The following UBE2J2 variants were observed in gnomAD, a reference collection of about 807,000 sequenced individuals.
UBE2J2 encodes ubiquitin conjugating enzyme E2 J2.
A neutral mutation model predicts 28.6 loss-of-function variants in UBE2J2; 5 were observed. That is an observed-to-expected ratio of 0.17 (90% CI 0.09 to 0.37). The LOEUF (loss-of-function observed/expected upper bound fraction) is 0.37, where lower values mean the gene tolerates loss of function less well. Among genes scored for constraint, UBE2J2 ranks in the 10% least tolerant of loss-of-function variants. UBE2J2 has a pLI of 1.00. For synonymous variants in UBE2J2, 138 were observed against 139.7 expected (o/e 0.99, Z 0.09); for missense variants, 226 against 338.9 (o/e 0.67, Z 2.62).
At chr1:1,259,294 G>A (rs1000341930) in intron 3 of UBE2J2, among the ~76,000 whole-genome samples, 11 of 151,578 alleles carry the variant, frequency 7.3e-5, no homozygotes, top group Non-Finnish European at 1.2e-4. Flanking sequence ...CCATCAGGAC[G>A]CGTGTGCACG....
rs752717386 is a variant in UBE2J2, at chr1:1,268,006, C to T, written c.1-14G>A. On this transcript the variant is annotated splice_polypyrimidine_tract_variant and intron_variant, in intron 1 of 6. Transcript: ENST00000349431. The surrounding 1 kb of genome is among the most constrained non-coding windows in gnomAD (Gnocchi z 4.7). ...GGTGCTGCTCATCTGTTAAAAGCAACGTCTACACTGACGACGAGAAGCAGC... is the reference window on the plus strand; with the variant it reads ...GGTGCTGCTCATCTGTTAAAAGCAATGTCTACACTGACGACGAGAAGCAGC... 29 of 1,612,306 alleles carry T rather than the reference C, an allele frequency of 1.8e-5. No individual in the cohort carries two copies. Among genetic ancestry groups the T allele is most frequent in the African/African-American group, 2.7e-5 (2 of 74,782 alleles).
rs549129586 is a variant in UBE2J2 at position 1,257,626 on chromosome 1, G to A, written c.173-316C>T. ...CAGCTACTGCACACCCCTCTCCCTG[G>A]AGTGTCCACACACACCCCCACCAGG... On this transcript the variant is annotated intron_variant, in intron 3 of 6. Transcript: ENST00000349431. Among the ~76,000 whole-genome samples, 28 of 150,726 alleles carry A rather than the reference G, an allele frequency of 1.9e-4. No homozygotes were observed. The East Asian group carries it at 5.5e-3, about 30-fold the overall frequency.
At chr1:1,257,901 C>A (rs184645225) in intron 3 of UBE2J2, among the ~76,000 whole-genome samples, 1 of 152,070 alleles carries the variant, frequency 6.6e-6, no homozygotes, top group Admixed American at 6.6e-5. Context: ...CCCCTGGATT[C>A]GGGCCTCATT....
rs575582274 is a variant in UBE2J2 at position 1,258,528 on chromosome 1, G to A, written c.173-1218C>T. ...TCAGTCCTGGCATCCTCCTGGGGTC[G>A]CCCTAGTTTCACGGCCTCCCATCAG... On this transcript the variant is annotated intron_variant, in intron 3 of 6. Coordinates refer to ENST00000349431, the MANE Select transcript of UBE2J2 (RefSeq NM_058167.3). 5.3e-5 allele frequency among the ~76,000 whole-genome samples: 8 copies of A among 151,758 alleles called. No individual in the cohort carries two copies. The South Asian group carries it at 1.3e-3, about 24-fold the overall frequency.
chr1:1,267,592 ACC>A (rs1639941144), intron 2 of UBE2J2: 1 of 752,604 alleles, frequency 1.3e-6, no homozygotes, highest in Admixed American at 3.6e-5. Flanking sequence ...GTCAACCTGG[ACC>A]CCGCCCCCCT....
At chr1:1,267,809 G>C (rs755438498) in intron 2 of UBE2J2, 53 bp downstream of exon 2, 16 of 1,599,294 alleles carry the variant, frequency 1.0e-5, no homozygotes, top group Non-Finnish European at 1.4e-5. Context: ...GCCGGCAGAG[G>C]CCTGCGTGGC....
intron 5 of UBE2J2, chr1:1,256,438 G>A: frequency 3.3e-6 from 1 of 307,262 alleles, no homozygotes. Context: ...AAGATCCCAA[G>A]GAGGAGCCCC....
At chr1:1,255,631 G>C in intron 6 of UBE2J2, 144 bp from the exon 7 acceptor site, 1 of 1,047,360 alleles carries the variant, frequency 9.5e-7, no homozygotes, top group Non-Finnish European at 1.4e-6. Flanking sequence ...CACAGGTGAG[G>C]GCCCGAGCGT....
intron 2 of UBE2J2, among the ~76,000 whole-genome samples, chr1:1,264,231 C>T (rs1639721131): frequency 6.6e-6 from 1 of 152,212 alleles, no homozygotes; most frequent in South Asian, 2.1e-4. Flanking sequence ...ACACAGAGCT[C>T]ACCCTCAGAC....
chr1:1,260,199 C>T (rs756159482), intron 3 of UBE2J2, among the ~76,000 whole-genome samples: 3 of 152,228 alleles, frequency 2.0e-5, no homozygotes, highest in Non-Finnish European at 2.9e-5. Flanking sequence ...CGGCCACATC[C>T]ACCAGGGAGA....
rs536961015 is a variant in UBE2J2, at chr1:1,272,799, A to G, written c.-1+867T>C. 8.2e-5 allele frequency: 13 copies of G among 159,194 alleles called. No homozygotes were observed. In the South Asian group the frequency reaches 1.8e-3, roughly 22 times the overall value. The allele number at this position is 159,194 out of a possible 1,614,324, so 9.9% of individuals were successfully genotyped here. On this transcript the variant is annotated intron_variant, in intron 1 of 6. Transcript: ENST00000349431. Reference sequence around the variant, plus strand: ...AGATGACGGACTGCAAGTTCCGGGCACCCAGACCCAACCACGCCCTAGGCT... The same window carrying G: ...AGATGACGGACTGCAAGTTCCGGGCGCCCAGACCCAACCACGCCCTAGGCT...
intron 3 of UBE2J2, among the ~76,000 whole-genome samples, chr1:1,261,042 G>C (rs758433215): frequency 2.0e-5 from 3 of 152,222 alleles, no homozygotes; most frequent in Non-Finnish European, 4.4e-5. Flanking sequence ...GGCAGGAAAA[G>C]GGGTCAGAAA....
chr1:1,265,158 G>A (rs1035863607), intron 2 of UBE2J2, among the ~76,000 whole-genome samples: 3 of 152,138 alleles, frequency 2.0e-5, no homozygotes, highest in Non-Finnish European at 4.4e-5. Context: ...GCCTTGGGGC[G>A]GCTGAGAGAA....
chr1:1,255,903 C>T, intron 6 of UBE2J2, 142 bp downstream of exon 6: 1 of 705,812 alleles, frequency 1.4e-6, no homozygotes, highest in Admixed American at 2.3e-5. Flanking sequence ...TTCTGCCTCC[C>T]CTGCCTCGGG....
intron 3 of UBE2J2, among the ~76,000 whole-genome samples, chr1:1,261,386 TA>T (rs1639552238): frequency 6.6e-6 from 1 of 151,996 alleles, no homozygotes. Flanking sequence ...GGGACCAAGA[TA>T]AAAGCACAAG....
chr1:1,260,453 C>T (rs1438755440), intron 3 of UBE2J2, among the ~76,000 whole-genome samples: 1 of 151,856 alleles, frequency 6.6e-6, no homozygotes, highest in Admixed American at 6.6e-5. Flanking sequence ...GCACACCTGT[C>T]GGGATGGGAG....
At chr1:1,272,992 C>T (rs978830606) in intron 1 of UBE2J2, 1 of 152,642 alleles carries the variant, frequency 6.6e-6, no homozygotes, top group East Asian at 1.9e-4. Context: ...CTTTCAGCCG[C>T]TTCCTATCTG....
intron 3 of UBE2J2, among the ~76,000 whole-genome samples, chr1:1,258,332 C>T (rs188273002): frequency 0.025 from 3,807 of 152,240 alleles, 164 homozygotes; most frequent in African/African-American, 0.087. Flanking sequence ...TGAGCCACCT[C>T]CCCCAGCCAT....
intron 2 of UBE2J2, among the ~76,000 whole-genome samples, chr1:1,264,054 T>A (rs999883790): frequency 6.6e-6 from 1 of 152,204 alleles, no homozygotes; most frequent in African/African-American, 2.4e-5. Context: ...AATGTGTTTT[T>A]TGATATCACA....
Sources: allele counts gnomAD v4.1 joint callset (sites outside exome capture counted in the v4.1 genomes callset), GRCh38; gene constraint gnomAD v4.1.1; non-coding constraint Gnocchi (gnomAD v3.1); transcripts MANE v1.5; gene names NCBI Gene and HGNC (gene_info 2026-07-23, HGNC 2026-07-21).